The following ESRRB variants were observed in gnomAD, a reference collection of about 807,000 sequenced individuals.
The protein encoded by ESRRB is steroid hormone receptor ERR2.
ESRRB carries 16 observed loss-of-function variants against 46.0 expected under a neutral mutation model. The ratio of observed to expected loss-of-function variants is 0.35; its 90% confidence interval spans 0.24 to 0.53. ESRRB has a LOEUF of 0.53. Ranked by LOEUF, ESRRB falls within the 20% of genes least tolerant of loss-of-function variation. The pLI, the probability that ESRRB is intolerant of heterozygous loss-of-function variation, is 0.93. For synonymous variants in ESRRB, 246 were observed against 259.6 expected (o/e 0.95, Z 0.50); for missense variants, 488 against 607.4 (o/e 0.80, Z 2.07).
Position 76,491,470 on chromosome 14 carries a change from G to A in ESRRB, c.874G>A (p.Asp292Asn). 6.2e-7 allele frequency: 1 copy of A among 1,608,184 alleles called. No homozygotes were observed. Residue 292 changes from aspartate (D) to asparagine (N), a missense_variant, in exon 6 of 7, where the codon GAC becomes AAC. Asp to Asn is a conservative substitution (Grantham distance 23, BLOSUM62 1). Coordinates refer to ENST00000644823, the MANE Select transcript of ESRRB (RefSeq NM_001379180.1). The part of the protein sequence containing the change: ...IPGFSSLSLG[D>N]QMSLLQSAWM... ...AGGCTTCTCAAGCCTCTCCCTGGGG[G>A]ACCAGATGAGCCTGCTGCAGAGTGC...
rs183714701 is a variant in ESRRB at position 76,346,581 on chromosome 14, G to A, written c.2+35665G>A. On this transcript the variant is annotated intron_variant, in intron 1 of 6. Coordinates refer to the ESRRB transcript ENST00000512784. ...CTTGGTGCTGGGTGAGCTGACCTGA[G>A]CCTGGATTTCTGGCTGGGAGTGCCA... Among the ~76,000 whole-genome samples, 227 of 152,330 alleles carry A rather than the reference G, an allele frequency of 1.5e-3. 1 individual carries two copies. The highest frequency in any genetic ancestry group is 5.3e-3 in the African/African-American group (220 of 41,590).
intron 1 of ESRRB, among the ~76,000 whole-genome samples, chr14:76,321,895 A>T (rs951404297): frequency 5.3e-5 from 8 of 151,874 alleles, no homozygotes; most frequent in African/African-American, 1.9e-4. Context: ...TCAAAAAAAA[A>T]AAAAATATAT....
chr14:76,498,166 G>T, intron 6 of ESRRB, 48 bp from the exon 7 acceptor site: 1 of 1,612,274 alleles, frequency 6.2e-7, no homozygotes, highest in East Asian at 2.2e-5. Context: ...CCCACACCAG[G>T]CAGCACTCCC....
At position 76,341,414 on chromosome 14, in the gene ESRRB, C is replaced by A. The variant is rs543529320; in HGVS notation, c.2+30498C>A. 1.2e-4 allele frequency among the ~76,000 whole-genome samples: 18 copies of A among 152,368 alleles called. No homozygotes were observed. In the East Asian group the frequency reaches 2.9e-3, roughly 24 times the overall value. ...CAGCAAACAGTTCATGTACTCCCCT[C>A]CCTGTGGCCTCCTGGAAGCCCTCAG... is the stretch of plus-strand genomic sequence containing the variant. On this transcript the variant is annotated intron_variant, in intron 1 of 6. Coordinates refer to the ESRRB transcript ENST00000512784.
Position 76,500,269 on chromosome 14 carries a change from C to A in ESRRB, c.*1811C>A. The A allele has an allele frequency of 3.3e-6, 2 of 604,384 alleles. No homozygotes were observed. Among genetic ancestry groups the A allele is most frequent in the Non-Finnish European group, 5.8e-6 (2 of 342,404 alleles). 37.4% of individuals were successfully genotyped at this position (604,384 alleles called of 1,614,324 possible). A position where few individuals can be genotyped will look rare whatever the true frequency, so the allele number is the denominator to read the frequency against. ...ATGTTAAGGATTTCAAGAGCCCTCC[C>A]AGACCAGTGATGTGTCCCTCCGGCT... is the stretch of plus-strand genomic sequence containing the variant. On this transcript the variant is annotated 3_prime_UTR_variant, in exon 7 of 7. Transcript: ENST00000644823.
In ESRRB at chr14:76,500,754, A is replaced by G. The variant is rs777447424; in HGVS notation, c.*2296A>G. On this transcript the variant is annotated 3_prime_UTR_variant, in exon 7 of 7. Transcript: ENST00000644823. ...CTTGGAGCAAGTGGGTGTTCTGCAC[A>G]CCAGGCAGCTGCACCTCACTGGATC... 3 of 1,612,762 alleles carry G rather than the reference A, an allele frequency of 1.9e-6. No individual in the cohort carries two copies. Among genetic ancestry groups the G allele is most frequent in the Non-Finnish European group, 1.7e-6 (2 of 1,178,928 alleles).
chr14:76,433,216 C>T lies in ESRRB; in HGVS notation c.51-6125C>T, dbSNP rs75171836. ...ACCTGTTCACCAAGCCCCTCAGCTG[C>T]CTCCGATGAAGATTGAAGTACAGTT... On this transcript the variant is annotated intron_variant, in intron 1 of 6. Coordinates refer to ENST00000644823, the MANE Select transcript of ESRRB (RefSeq NM_001379180.1). 7.2e-5 allele frequency among the ~76,000 whole-genome samples: 11 copies of T among 152,280 alleles called. No individual in the cohort carries two copies. In the East Asian group the frequency reaches 1.7e-3, roughly 24 times the overall value.
chr14:76,500,598 C>A lies in ESRRB; in HGVS notation c.*2140C>A, dbSNP rs184082609. Reference sequence around the variant, plus strand: ...CTGTGCTGTGTCCTTGCAGCGGGGCCGAGGTAGCACCCTGCTCTGTCACTT... The same window carrying A: ...CTGTGCTGTGTCCTTGCAGCGGGGCAGAGGTAGCACCCTGCTCTGTCACTT... On this transcript the variant is annotated 3_prime_UTR_variant, in exon 7 of 7. Transcript: ENST00000644823. 1.2e-4 allele frequency: 147 copies of A among 1,271,734 alleles called. No homozygotes were observed. Among genetic ancestry groups the A allele is most frequent in the Non-Finnish European group, 1.6e-4 (143 of 872,042 alleles). 78.8% of individuals were successfully genotyped at this position (1,271,734 alleles called of 1,614,324 possible).
intron 1 of ESRRB, among the ~76,000 whole-genome samples, chr14:76,315,990 G>A (rs560361482): frequency 7.9e-5 from 12 of 152,194 alleles, no homozygotes; most frequent in African/African-American, 2.6e-4. Context: ...TTTGTTCTTG[G>A]GTCTCCAAGT....
chr14:76,452,653 C>CAAAA (rs57333539), intron 2 of ESRRB, among the ~76,000 whole-genome samples: 3 of 120,804 alleles, frequency 2.5e-5, no homozygotes, highest in African/African-American at 4.3e-5. Context: ...CAAAACAAAA[C>CAAAA]AAAAAAAAAG....
chr14:76,311,938 T>C (rs1883740255), intron 1 of ESRRB, among the ~76,000 whole-genome samples: 1 of 146,444 alleles, frequency 6.8e-6, no homozygotes, highest in African/African-American at 2.5e-5. Flanking sequence ...AGATTTGCTT[T>C]ATAGAATTTA....
rs545716929 is a variant in ESRRB at position 76,365,340 on chromosome 14, G to A, written c.2+54424G>A. Among the ~76,000 whole-genome samples the A allele has an allele frequency of 7.2e-5, 11 of 152,338 alleles. 1 individual carries two copies. The East Asian group carries it at 1.7e-3, about 24-fold the overall frequency. On this transcript the variant is annotated intron_variant, in intron 1 of 6. Coordinates refer to the ESRRB transcript ENST00000512784. Reference sequence around the variant, plus strand: ...AAAAATTTTAAAAAAGTAGTTGGATGTGGTGGTGCACACCTGTGGTCCCAG... The same window carrying A: ...AAAAATTTTAAAAAAGTAGTTGGATATGGTGGTGCACACCTGTGGTCCCAG...
chr14:76,448,381 T>C lies in ESRRB; in HGVS notation c.460+8631T>C, dbSNP rs763142547. On this transcript the variant is annotated intron_variant, in intron 2 of 6. Transcript: ENST00000644823. ...CTCCCTCTTGTTGCCCAGGCTGGAGTGCAGTGACGCAATCTCGGCTCACTG... is the reference window on the plus strand; with the variant it reads ...CTCCCTCTTGTTGCCCAGGCTGGAGCGCAGTGACGCAATCTCGGCTCACTG... Among the ~76,000 whole-genome samples, 5 of 148,474 alleles carry C rather than the reference T, an allele frequency of 3.4e-5. No individual in the cohort carries two copies. The Middle Eastern group carries it at 0.011, about 318-fold the overall frequency.
rs1301235027 is a variant in ESRRB at position 76,500,094 on chromosome 14, G to C, written c.*1636G>C. On this transcript the variant is annotated 3_prime_UTR_variant, in exon 7 of 7. Coordinates refer to ENST00000644823, the MANE Select transcript of ESRRB (RefSeq NM_001379180.1). ...AACTTTCTGCAGCTTTTCCATAGAA[G>C]CCCTGGTCCCACCTCCTTGGCTCTA... 1 of 1,538,536 alleles carries C rather than the reference G, an allele frequency of 6.5e-7. No homozygotes were observed.
At chr14:76,454,328 A>T (rs1287052130) in intron 2 of ESRRB, among the ~76,000 whole-genome samples, 1 of 152,338 alleles carries the variant, frequency 6.6e-6, no homozygotes, top group East Asian at 1.9e-4. Context: ...GAGATACAGA[A>T]ATGAAAAACA....
upstream of ESRRB, among the ~76,000 whole-genome samples, chr14:76,373,398 A>AG (rs1197976801): frequency 1.3e-5 from 2 of 152,106 alleles, no homozygotes; most frequent in Non-Finnish European, 2.9e-5. Context: ...GGTCACATGG[A>AG]GGAGTCAGGA....
intron 2 of ESRRB, among the ~76,000 whole-genome samples, chr14:76,451,789 A>ATTT (rs111716273): frequency 1.6e-4 from 20 of 122,768 alleles, no homozygotes; most frequent in African/African-American, 2.7e-4. Flanking sequence ...TGCCCAGCTA[A>ATTT]TTTTTTTTTT....
At chr14:76,329,850 C>G (rs1883981297) in intron 1 of ESRRB, among the ~76,000 whole-genome samples, 1 of 152,118 alleles carries the variant, frequency 6.6e-6, no homozygotes, top group African/African-American at 2.4e-5. Context: ...TACGAGGGAG[C>G]CGAGCAGCGG....
chr14:76,431,177 T>C (rs552375367), intron 1 of ESRRB, among the ~76,000 whole-genome samples: 1 of 152,192 alleles, frequency 6.6e-6, no homozygotes, highest in South Asian at 2.1e-4. Flanking sequence ...CGCCTGTAGT[T>C]CCAGCTACTC....
Sources: gnomAD v4.1 joint callset for allele counts (sites outside exome capture counted in the v4.1 genomes callset) on GRCh38, gnomAD v4.1.1 for gene constraint, MANE v1.5 for transcripts, NCBI Gene and HGNC (gene_info 2026-07-23, HGNC 2026-07-21) for gene names.